Variants in CMTM8 observed in about 807,000 individuals in gnomAD.
CMTM8 encodes the protein CKLF-like MARVEL transmembrane domain-containing protein 8.
A neutral mutation model predicts 18.6 loss-of-function variants in CMTM8; 12 were observed. The observed-to-expected ratio is 0.65, with a 90% CI of 0.41 to 1.05. CMTM8 has a LOEUF of 1.05. Among genes scored for constraint, CMTM8 ranks in the 50% least tolerant of loss-of-function variants. CMTM8 has a pLI of 0.00. For synonymous variants in CMTM8, 87 were observed against 90.6 expected, an observed-to-expected ratio of 0.96 and a Z score of 0.23; for missense variants, 217 against 227.2, an observed-to-expected ratio of 0.95 and a Z score of 0.29.
At chr3:32,272,151 A>C (rs528041678) in intron 1 of CMTM8, among the ~76,000 whole-genome samples, 14 of 152,190 alleles carry the variant, frequency 9.2e-5, no homozygotes, top group African/African-American at 3.4e-4. Flanking sequence ...TCATTCTTCT[A>C]TCTTACTGGT....
chr3:32,251,323 AT>A (rs71630508), intron 1 of CMTM8, among the ~76,000 whole-genome samples: 13 of 151,378 alleles, frequency 8.6e-5, no homozygotes, highest in Middle Eastern at 3.2e-3. Flanking sequence ...TAATTCATTC[AT>A]TTTTTTTGAG....
chr3:32,259,587 A>G (rs1475515923), intron 1 of CMTM8: 6 of 977,578 alleles, frequency 6.1e-6, no homozygotes, highest in Non-Finnish European at 1.7e-6. Context: ...AAGAAGAACC[A>G]TGAAGAGGAA....
intron 1 of CMTM8, among the ~76,000 whole-genome samples, chr3:32,265,018 C>A (rs1002398353): frequency 6.6e-6 from 1 of 152,032 alleles, no homozygotes; most frequent in Non-Finnish European, 1.5e-5. Context: ...ACTTTAACAC[C>A]CCAATGTCAA....
intron 1 of CMTM8, among the ~76,000 whole-genome samples, chr3:32,317,535 T>A (rs1378210486): frequency 6.6e-6 from 1 of 152,210 alleles, no homozygotes; most frequent in Admixed American, 6.5e-5. Flanking sequence ...AAAGTCAGTT[T>A]AACAATAGCC....
chr3:32,317,499 G>A (rs943251741), intron 1 of CMTM8, among the ~76,000 whole-genome samples: 6 of 152,238 alleles, frequency 3.9e-5, no homozygotes, highest in African/African-American at 1.4e-4. Context: ...TTGTTGGTGG[G>A]AAAATAAATT....
intron 1 of CMTM8, among the ~76,000 whole-genome samples, chr3:32,284,577 A>T (rs1702651074): frequency 6.6e-6 from 1 of 152,192 alleles, no homozygotes; most frequent in Non-Finnish European, 1.5e-5. Flanking sequence ...TTAAAAGTGG[A>T]CATAGGACTT....
intron 1 of CMTM8, among the ~76,000 whole-genome samples, chr3:32,240,224 C>G (rs1235750914): frequency 6.6e-6 from 1 of 152,174 alleles, no homozygotes; most frequent in South Asian, 2.1e-4. Flanking sequence ...GCTTGCTCCC[C>G]CAGTCTCAGA....
At chr3:32,313,256 G>A (rs189606804) in intron 1 of CMTM8, among the ~76,000 whole-genome samples, 4 of 152,224 alleles carry the variant, frequency 2.6e-5, no homozygotes, top group African/African-American at 7.2e-5. Context: ...CTTTCCCGAC[G>A]GATTCTTTCT....
intron 1 of CMTM8, among the ~76,000 whole-genome samples, chr3:32,254,610 C>T (rs533821214): frequency 2.0e-5 from 3 of 151,856 alleles, no homozygotes; most frequent in African/African-American, 7.2e-5. Flanking sequence ...TCTAAATATC[C>T]AGATAATTAA....
intron 1 of CMTM8, among the ~76,000 whole-genome samples, chr3:32,286,348 C>T (rs1261103857): frequency 6.6e-6 from 1 of 152,156 alleles, no homozygotes; most frequent in Non-Finnish European, 1.5e-5. Context: ...AGGTGGTGGG[C>T]TAGATGTGGC....
At chr3:32,322,274 G>GA (rs1696072626) in intron 1 of CMTM8, among the ~76,000 whole-genome samples, 1 of 150,776 alleles carries the variant, frequency 6.6e-6, no homozygotes, top group Non-Finnish European at 1.5e-5. Context: ...GCTTGTTTTT[G>GA]TTTTTTTTTC....
At chr3:32,269,525 A>G (rs996467538) in intron 1 of CMTM8, among the ~76,000 whole-genome samples, 1 of 152,212 alleles carries the variant, frequency 6.6e-6, no homozygotes, top group Non-Finnish European at 1.5e-5. Context: ...ACCAAAGCTC[A>G]GTTAACTAGG....
chr3:32,276,951 A>C (rs757962023), intron 1 of CMTM8, among the ~76,000 whole-genome samples: 7 of 151,874 alleles, frequency 4.6e-5, no homozygotes, highest in Non-Finnish European at 8.8e-5. Flanking sequence ...GCAGCGGCAC[A>C]ATCATAGTGC....
intron 1 of CMTM8, among the ~76,000 whole-genome samples, chr3:32,299,369 A>C (rs955432913): frequency 1.3e-5 from 2 of 152,164 alleles, no homozygotes; most frequent in Non-Finnish European, 2.9e-5. Context: ...TGAAATGCCA[A>C]GATTCTATTT....
At chr3:32,351,760 C>CT (rs1248705706) in intron 1 of CMTM8, among the ~76,000 whole-genome samples, 4 of 151,728 alleles carry the variant, frequency 2.6e-5, no homozygotes, top group Non-Finnish European at 5.9e-5. Context: ...ACAAAAGACT[C>CT]TATGACTTTG....
chr3:32,314,014 C>T (rs935976872), intron 1 of CMTM8, among the ~76,000 whole-genome samples: 1 of 152,082 alleles, frequency 6.6e-6, no homozygotes, highest in African/African-American at 2.4e-5. Flanking sequence ...ATCTGGATGC[C>T]AGTACTCTCT....
chr3:32,265,424 T>C (rs1702324168), intron 1 of CMTM8, among the ~76,000 whole-genome samples: 1 of 152,074 alleles, frequency 6.6e-6, no homozygotes, highest in African/African-American at 2.4e-5. Context: ...AGAGACAACA[T>C]ACCAGAATCT....
intron 1 of CMTM8, among the ~76,000 whole-genome samples, chr3:32,335,941 G>C (rs568053274): frequency 6.6e-6 from 1 of 152,152 alleles, no homozygotes. Context: ...AGGGCAAGTG[G>C]ACCGAGGGAA....
intron 1 of CMTM8, among the ~76,000 whole-genome samples, chr3:32,332,792 G>A (rs1696306146): frequency 1.3e-5 from 2 of 152,134 alleles, no homozygotes; most frequent in South Asian, 4.1e-4. Context: ...TGGGAAAAGA[G>A]TTACCTTCCC....
Sources: gnomAD v4.1 joint callset for allele counts (sites outside exome capture counted in the v4.1 genomes callset) on GRCh38, gnomAD v4.1.1 for gene constraint, MANE v1.5 for transcripts, NCBI Gene and HGNC (gene_info 2026-07-23, HGNC 2026-07-21) for gene names.